LACTB2: variants seen among roughly 807,000 people sequenced by gnomAD.
The protein encoded by LACTB2 is endoribonuclease LACTB2.
Under a neutral mutation model 34.8 loss-of-function variants are expected in LACTB2, and 32 were observed. The ratio of observed to expected loss-of-function variants is 0.92; its 90% CI spans 0.69 to 1.24. LACTB2 has a LOEUF of 1.24. Among genes scored for constraint, LACTB2 ranks in the 50% most tolerant of loss-of-function variants. The pLI is 0.00. For missense variants in LACTB2, 320 were observed against 345.0 expected, an observed-to-expected ratio of 0.93 and a Z score of 0.57; for synonymous variants, 120 against 117.5, an observed-to-expected ratio of 1.02 and a Z score of -0.14.
chr8:70,646,130 A>G (rs1478125991), intron 3 of LACTB2: 5 of 152,094 alleles, frequency 3.3e-5, no homozygotes, highest in Non-Finnish European at 7.4e-5. Flanking sequence ...AAGTGTTCCT[A>G]TTTCTCCACA....
chr8:70,638,004 T>TA lies in LACTB2; in HGVS notation c.824-102dup, dbSNP rs1433062887. ...CTAGAAAAAGCATTCATTCTTAAAA[T>TA]AATTTTGTTGCTCAATATAAAGTTG... On this transcript the variant is annotated intron_variant, in intron 6 of 6. Transcript: ENST00000276590. The TA allele has an allele frequency of 4.9e-6, 3 of 616,878 alleles. No individual in the cohort carries two copies. The Admixed American group carries it at 1.1e-4, about 23-fold the overall frequency. The allele number at this position is 616,878 out of a possible 1,614,324, so 38.2% of individuals were successfully genotyped here. A position where few individuals can be genotyped will look rare whatever the true frequency, so the allele number is the denominator to read the frequency against.
chr8:70,658,831 T>C (rs1271612302), intron 2 of LACTB2, among the ~76,000 whole-genome samples: 1 of 152,086 alleles, frequency 6.6e-6, no homozygotes, highest in Non-Finnish European at 1.5e-5. Flanking sequence ...TCGAGACCAG[T>C]CTGGCCAACA....
In LACTB2 at chr8:70,658,725, A is replaced by T. The variant is rs184972546; in HGVS notation, c.287-843T>A. Among the ~76,000 whole-genome samples the T allele has an allele frequency of 3.9e-3, 600 of 152,282 alleles. 5 individuals are homozygous for T. The highest frequency in any genetic ancestry group is 0.014 in the African/African-American group (566 of 41,578). ...AGAAGGACTTGCAGGTAAGGGGAAC[A>T]GCATTAGAAAAGGCATTAAGTCCAG... On this transcript the variant is annotated intron_variant, in intron 2 of 6. Coordinates refer to ENST00000276590, the MANE Select transcript of LACTB2 (RefSeq NM_016027.3).
intron 2 of LACTB2, among the ~76,000 whole-genome samples, chr8:70,658,822 C>T (rs55971068): frequency 0.073 from 11,028 of 152,106 alleles, 468 homozygotes; most frequent in Non-Finnish European, 0.089. Flanking sequence ...GTCAGGAGTT[C>T]GAGACCAGTC....
At chr8:70,648,791 A>T (rs1014626700) in intron 3 of LACTB2, among the ~76,000 whole-genome samples, 3 of 152,088 alleles carry the variant, frequency 2.0e-5, no homozygotes, top group African/African-American at 7.2e-5. Context: ...TTTTCCGATG[A>T]TGGGACTCAG....
chr8:70,669,055 G>T lies in LACTB2; in HGVS notation c.66C>A (p.Asn22Lys). ...SNRVVRVLGC[N>K]PGPMTLQGTN... is the part of the protein sequence containing the mutation. The stretch of plus-strand genomic sequence containing the variant: ...TGCCTTGGAGGGTCATGGGACCCGG[G>T]TTACAGCCCAACACACGCACGACTC... The change falls in exon 1 of 7, where the codon AAC becomes AAA. Residue 22 changes from asparagine (N) to lysine (K), a missense_variant. By Grantham distance (94) the Asn-to-Lys change is moderately conservative. Coordinates refer to ENST00000276590, the MANE Select transcript of LACTB2 (RefSeq NM_016027.3). The T allele has an allele frequency of 6.2e-7, 1 of 1,612,224 alleles. No homozygotes were observed.
At position 70,657,277 on chromosome 8, in the gene LACTB2, A is replaced by G. The variant is rs1300465143; in HGVS notation, c.413+479T>C. On this transcript the variant is annotated intron_variant, in intron 3 of 6. Coordinates refer to ENST00000276590, the MANE Select transcript of LACTB2 (RefSeq NM_016027.3). ...AAACAATGGTAATCATATGATTCAA[A>G]TAAACAATTTAATAAAGAGTGAAGT... Among the ~76,000 whole-genome samples the G allele has an allele frequency of 2.6e-5, 4 of 152,278 alleles. No individual in the cohort carries two copies. In the East Asian group the frequency reaches 5.8e-4, roughly 22 times the overall value.
At chr8:70,639,143 G>C (rs1019807039) in intron 5 of LACTB2, among the ~76,000 whole-genome samples, 5 of 151,926 alleles carry the variant, frequency 3.3e-5, no homozygotes, top group African/African-American at 7.3e-5. Flanking sequence ...TAGGTTGTAA[G>C]CTCCATAAAG....
In LACTB2 at chr8:70,644,128, G is replaced by T. The variant is rs750181762; in HGVS notation, c.529C>A (p.Leu177Ile). ...LGEGTTVFED[L>I]YDYMNSLKEL... The stretch of plus-strand genomic sequence containing the variant: ...TTTAAAGAGTTCATATAATCATAGA[G>T]GTCTTCAAATACCGTTGTTCCTTCC... The change falls in exon 4 of 7, where the codon CTC (leucine) becomes ATC (isoleucine). Residue 177 changes from leucine (L) to isoleucine (I), a missense_variant. Coordinates refer to ENST00000276590, the MANE Select transcript of LACTB2 (RefSeq NM_016027.3). The T allele has an allele frequency of 6.2e-7, 1 of 1,612,256 alleles. No individual in the cohort carries two copies. Among genetic ancestry groups the T allele is most frequent in the South Asian group, 1.1e-5 (1 of 90,754 alleles).
intron 2 of LACTB2, among the ~76,000 whole-genome samples, chr8:70,659,118 G>A (rs1818450297): frequency 1.3e-5 from 2 of 152,330 alleles, no homozygotes; most frequent in South Asian, 4.1e-4. Context: ...TGGCTAGGAA[G>A]AGTGGAGATA....
chr8:70,649,718 C>A (rs1221087980), intron 3 of LACTB2, among the ~76,000 whole-genome samples: 1 of 152,116 alleles, frequency 6.6e-6, no homozygotes, highest in African/African-American at 2.4e-5. Context: ...ATCAAATAGT[C>A]CGCTAAGATT....
In LACTB2 at chr8:70,669,169, G is replaced by C. The variant is rs897446028; in HGVS notation, c.-49C>G. On this transcript the variant is annotated 5_prime_UTR_variant, in exon 1 of 7. Transcript: ENST00000276590. ...GTGTCGCCTATCTGGATACTCCAGC[G>C]CGGAAGAAGCCAACAGGCCGGGGAT... 3.1e-6 allele frequency: 5 copies of C among 1,598,790 alleles called. No individual in the cohort carries two copies. Among genetic ancestry groups the C allele is most frequent in the South Asian group, 2.2e-5 (2 of 89,292 alleles).
chr8:70,652,935 C>T (rs576845894), intron 3 of LACTB2, among the ~76,000 whole-genome samples: 4 of 152,096 alleles, frequency 2.6e-5, no homozygotes, highest in Non-Finnish European at 4.4e-5. Context: ...CCCAAATCTT[C>T]GAGACAGAAG....
At chr8:70,646,691 T>G (rs1390522142) in intron 3 of LACTB2, 3 of 152,336 alleles carry the variant, frequency 2.0e-5, no homozygotes, top group Non-Finnish European at 4.4e-5. Context: ...TTATTTACAT[T>G]TATATTGTTT....
intron 4 of LACTB2, among the ~76,000 whole-genome samples, chr8:70,642,925 A>G (rs1818217549): frequency 6.6e-6 from 1 of 152,228 alleles, no homozygotes; most frequent in African/African-American, 2.4e-5. Flanking sequence ...TGGTATTTCA[A>G]TATTGTAAAT....
intron 1 of LACTB2, among the ~76,000 whole-genome samples, chr8:70,668,395 A>T (rs1157100380): frequency 1.3e-5 from 2 of 152,232 alleles, no homozygotes; most frequent in East Asian, 3.8e-4. Context: ...TCTTAGAAAT[A>T]CAGGTGTGTT....
intron 2 of LACTB2, among the ~76,000 whole-genome samples, chr8:70,658,217 C>T (rs1818436915): frequency 6.6e-6 from 1 of 152,188 alleles, no homozygotes; most frequent in Admixed American, 6.5e-5. Context: ...CCTGGAAACT[C>T]TTCTCTATCC....
intron 1 of LACTB2, among the ~76,000 whole-genome samples, chr8:70,663,511 A>G (rs1478556456): frequency 2.6e-5 from 4 of 152,218 alleles, no homozygotes; most frequent in Admixed American, 2.6e-4. Flanking sequence ...ACACTGGACC[A>G]AGAGGGCATT....
intron 3 of LACTB2, among the ~76,000 whole-genome samples, chr8:70,651,431 C>A (rs1818340189): frequency 6.6e-6 from 1 of 152,144 alleles, no homozygotes; most frequent in African/African-American, 2.4e-5. Context: ...TTCCAGCCAA[C>A]TATATAAACA....
Sources: gnomAD v4.1 joint callset for allele counts (sites outside exome capture counted in the v4.1 genomes callset) on GRCh38, gnomAD v4.1.1 for gene constraint, MANE v1.5 for transcripts, NCBI Gene and HGNC (gene_info 2026-07-23, HGNC 2026-07-21) for gene names.